The following AQR variants were observed in gnomAD, a reference collection of about 807,000 sequenced individuals.
The protein encoded by AQR is aquarius intron-binding spliceosomal factor.
In AQR, 61 loss-of-function variants were observed where a neutral mutation model predicts 180.5. The observed-to-expected ratio is 0.34, with a 90% CI of 0.28 to 0.42. AQR has a LOEUF of 0.42. Among genes scored for constraint, AQR ranks in the 10% least tolerant of loss-of-function variants. AQR has a pLI of 1.00. For synonymous variants in AQR, 551 were observed against 588.8 expected, an observed-to-expected ratio of 0.94 and a Z score of 0.93; for missense variants, 1,281 against 1,798.3, an observed-to-expected ratio of 0.71 and a Z score of 5.20.
At position 34,910,257 on chromosome 15, in the gene AQR, A is replaced by G. The variant is rs1030467232; in HGVS notation, c.1541T>C (p.Ile514Thr). The change falls in exon 17 of 35, where the codon ATT becomes ACT. Residue 514 changes from isoleucine to threonine, a missense_variant. Around this residue, in one of 9 missense-constraint regions of AQR, gnomAD observed 200 missense variants for 293.4 expected, o/e 0.68. Transcript: ENST00000156471. Reference protein sequence around the residue: ...FGGWARMAQPIVAFTVVEVAK... With the variant: ...FGGWARMAQPTVAFTVVEVAK... ...CACTTCAACGACAGTGAAAGCCACA[A>G]TGGGCTGGGCCATTCGCGCCCAACC... 3.1e-6 allele frequency: 5 copies of G among 1,614,204 alleles called. No individual in the cohort carries two copies. The highest frequency in any genetic ancestry group is 4.2e-6 in the Non-Finnish European group (5 of 1,180,032).
At chr15:34,931,964 C>T (rs185263324) in intron 11 of AQR, among the ~76,000 whole-genome samples, 1 of 152,308 alleles carries the variant, frequency 6.6e-6, no homozygotes, top group Admixed American at 6.5e-5. Flanking sequence ...TCTACATGAT[C>T]AACTATCTGT....
At chr15:34,934,662 G>A (rs1893920570) in intron 9 of AQR, 27 bp from the exon 10 acceptor site, 1 of 1,482,892 alleles carries the variant, frequency 6.7e-7, no homozygotes, top group Non-Finnish European at 9.0e-7. Context: ...ACGCATGATA[G>A]AATTTCCTTA....
At position 34,906,665 on chromosome 15, in the gene AQR, T is replaced by C; in HGVS notation, c.1711A>G (p.Lys571Glu). 1 of 1,614,092 alleles carries C rather than the reference T, an allele frequency of 6.2e-7. No homozygotes were observed. The highest frequency in any genetic ancestry group is 1.1e-5 in the South Asian group (1 of 91,078). Residue 571 changes from lysine (K) to glutamate (E), a missense_variant, in exon 18 of 35, where the codon AAA becomes GAA. Lys to Glu is a moderately conservative substitution (Grantham distance 56, BLOSUM62 1). This residue lies in a region of AQR where 200 missense variants were observed against 293.4 expected (regional missense o/e 0.68). Coordinates refer to ENST00000156471, the MANE Select transcript of AQR (RefSeq NM_014691.3). ...CGGTCAAACTTAGTGCCATAAGGTT[T>C]TGTGGGACGTACGGTAATTAAAAAG... Reference protein sequence around the residue: ...VCFLITVRPTKPYGTKFDRRR... With the variant: ...VCFLITVRPTEPYGTKFDRRR...
intron 17 of AQR, among the ~76,000 whole-genome samples, chr15:34,908,642 A>T (rs976562004): frequency 6.6e-6 from 1 of 152,170 alleles, no homozygotes; most frequent in South Asian, 2.1e-4. Context: ...TACCCTGTCC[A>T]GTTCTCATTC....
At chr15:34,889,627 GTTATAC>G (rs557548820) in intron 24 of AQR, among the ~76,000 whole-genome samples, 303 of 152,240 alleles carry the variant, frequency 2.0e-3, no homozygotes, top group Non-Finnish European at 3.3e-3. Flanking sequence ...AGCATCTGAA[GTTATAC>G]TTATAACCCC....
intron 9 of AQR, among the ~76,000 whole-genome samples, chr15:34,938,272 G>A (rs1232734034): frequency 6.6e-6 from 1 of 152,074 alleles, no homozygotes; most frequent in African/African-American, 2.4e-5. Flanking sequence ...AGTGGCTCAC[G>A]CCTGTAATCC....
At chr15:34,950,761 G>T (rs923638317) in intron 4 of AQR, among the ~76,000 whole-genome samples, 1 of 152,050 alleles carries the variant, frequency 6.6e-6, no homozygotes, top group African/African-American at 2.4e-5. Context: ...AATGTGCTCT[G>T]TAATTTGGGA....
At chr15:34,952,790 A>G (rs1385926296) in intron 4 of AQR, 95 bp downstream of exon 4, 1 of 839,260 alleles carries the variant, frequency 1.2e-6, no homozygotes, top group African/African-American at 1.8e-5. Flanking sequence ...TCACAAATTT[A>G]GATTTTCTTA....
rs561803238 is a variant in AQR at position 34,968,167 on chromosome 15, G to A, written c.75+1372C>T. ...TAGTCCCTGTAGTCCTAGCTACAAG[G>A]GAGGCTGAGGTGGAAGGCTCACTGG... is the stretch of plus-strand genomic sequence containing the variant. On this transcript the variant is annotated intron_variant, in intron 1 of 34. Transcript: ENST00000156471. Among the ~76,000 whole-genome samples the A allele has an allele frequency of 2.6e-5, 4 of 152,122 alleles. No individual in the cohort carries two copies. In the East Asian group the frequency reaches 7.8e-4, roughly 30 times the overall value.
In AQR at chr15:34,944,407, G is replaced by A. The variant is rs1327938937; in HGVS notation, c.352C>T (p.His118Tyr). 12 of 1,597,482 alleles carry A rather than the reference G, an allele frequency of 7.5e-6. No homozygotes were observed. Among genetic ancestry groups the A allele is most frequent in the African/African-American group, 2.7e-5 (2 of 73,858 alleles). The change falls in exon 6 of 35, where the codon CAC (histidine) becomes TAC (tyrosine). Residue 118 changes from histidine to tyrosine, a missense_variant. This residue lies in a region of AQR where 404 missense variants were observed against 490.9 expected (regional missense o/e 0.82). Transcript: ENST00000156471. ...AWEIFKKKPD[H>Y]FPFFFKHILK... Reference sequence around the variant, plus strand: ...ATGTGTTTAAAAAAGAATGGGAAGTGGTCTGGCTTCTTCTTAAAAATCTGA... The same window carrying A: ...ATGTGTTTAAAAAAGAATGGGAAGTAGTCTGGCTTCTTCTTAAAAATCTGA...
rs1453848824 is a variant in AQR at position 34,897,623 on chromosome 15, T to C, written c.2326A>G (p.Thr776Ala). 8.7e-6 allele frequency: 14 copies of C among 1,613,890 alleles called. No individual in the cohort carries two copies. The highest frequency in any genetic ancestry group is 1.6e-4 in the Middle Eastern group (1 of 6,082). The change falls in exon 21 of 35, where the codon ACC becomes GCC. Residue 776 changes from threonine to alanine, a missense_variant. Physicochemically the swap from Thr to Ala is moderately conservative, Grantham distance 58. Transcript: ENST00000156471. ...ATAACATGGGGCTCAACAATTAAGG[T>C]TTTTGCTTCCTCGGTGTCTTCATCT... ...VEDEDTEEAK[T>A]LIVEPHVIPN...
intron 1 of AQR, 91 bp downstream of exon 1, chr15:34,969,447 GA>G (rs2050331906): frequency 7.6e-7 from 1 of 1,318,148 alleles, no homozygotes; most frequent in Non-Finnish European, 1.1e-6. Flanking sequence ...GCCTCCTCCG[GA>G]CTCCTAAATC....
At chr15:34,948,511 T>C in intron 4 of AQR, 127 bp from the exon 5 acceptor site, 1 of 1,245,340 alleles carries the variant, frequency 8.0e-7, no homozygotes, top group Non-Finnish European at 1.1e-6. Flanking sequence ...TATTTATAAC[T>C]TGGAATCCTT....
chr15:34,920,494 A>C, intron 13 of AQR, 60 bp from the exon 14 acceptor site: 2 of 1,282,646 alleles, frequency 1.6e-6, no homozygotes, highest in Non-Finnish European at 2.2e-6. Flanking sequence ...CTTTTGAAAC[A>C]TGTATTTTTA....
chr15:34,946,859 G>C (rs1288600264), intron 5 of AQR, among the ~76,000 whole-genome samples: 2 of 148,802 alleles, frequency 1.3e-5, no homozygotes, highest in African/African-American at 5.0e-5. Context: ...CCTCTGCCCA[G>C]CCAGCCGCCC....
intron 13 of AQR, among the ~76,000 whole-genome samples, chr15:34,925,444 C>A (rs954225652): frequency 6.6e-6 from 1 of 152,178 alleles, no homozygotes; most frequent in African/African-American, 2.4e-5. Context: ...AAGTTTTAAA[C>A]GCATGCCCCG....
At position 34,914,339 on chromosome 15, in the gene AQR, G is replaced by C. The variant is rs972033076; in HGVS notation, c.1484+699C>G. On this transcript the variant is annotated intron_variant, in intron 16 of 34. Transcript: ENST00000156471. ...ACCTTACAAATTCTTGTAATGCAGA[G>C]CTGCTACAATTACCAGAATGAAAGA... Among the ~76,000 whole-genome samples the C allele has an allele frequency of 2.0e-5, 3 of 152,168 alleles. No homozygotes were observed. The East Asian group carries it at 5.8e-4, about 29-fold the overall frequency.
Position 34,948,387 on chromosome 15 carries a change from G to A in AQR, c.210-3C>T. 2 of 1,611,080 alleles carry A rather than the reference G, an allele frequency of 1.2e-6. No homozygotes were observed. The highest frequency in any genetic ancestry group is 1.7e-6 in the Non-Finnish European group (2 of 1,179,642). ...AGAGATAATTTTCAAGATACTGGCT[G>A]TAAAGAGTAAAAAGCATAGAATACT... On this transcript the variant is annotated splice_region_variant and splice_polypyrimidine_tract_variant and intron_variant, in intron 4 of 34. Transcript: ENST00000156471.
chr15:34,905,132 G>A (rs909977302), intron 18 of AQR, among the ~76,000 whole-genome samples: 10 of 151,418 alleles, frequency 6.6e-5, no homozygotes, highest in African/African-American at 1.9e-4. Flanking sequence ...CTTAGACCTC[G>A]AACTTTGGTT....
Sources: allele counts gnomAD v4.1 joint callset (sites outside exome capture counted in the v4.1 genomes callset), GRCh38; gene constraint gnomAD v4.1.1; regional missense constraint gnomAD v4.1.1; transcripts MANE v1.5; gene names NCBI Gene and HGNC (gene_info 2026-07-23, HGNC 2026-07-21).